G3BP2: variants seen among roughly 807,000 people sequenced by gnomAD.
G3BP2 encodes ras GTPase-activating protein-binding protein 2.
A neutral mutation model predicts 56.7 loss-of-function variants in G3BP2; 11 were observed. That is an observed-to-expected ratio of 0.19 (90% CI 0.12 to 0.32). The LOEUF (loss-of-function observed/expected upper bound fraction) is 0.32. Ranked by LOEUF, G3BP2 falls within the 10% of genes least tolerant of loss-of-function variation. The pLI is 1.00. For missense variants in G3BP2, 340 were observed against 610.9 expected, an observed-to-expected ratio of 0.56 and a Z score of 4.67; for synonymous variants, 165 against 191.6, an observed-to-expected ratio of 0.86 and a Z score of 1.15.
chr4:75,699,120 G>C (rs552795370), intron 3 of G3BP2, among the ~76,000 whole-genome samples: 2 of 152,192 alleles, frequency 1.3e-5, no homozygotes, highest in East Asian at 3.9e-4. Flanking sequence ...CTCACCTCAA[G>C]AACATTGCTT....
intron 3 of G3BP2, among the ~76,000 whole-genome samples, chr4:75,685,646 A>G (rs1050879896): frequency 1.3e-5 from 2 of 152,202 alleles, no homozygotes; most frequent in African/African-American, 4.8e-5. Flanking sequence ...AAAAAGGCAC[A>G]ATTGCAGTTA....
upstream of G3BP2, chr4:75,673,873 C>T (rs1194461508): frequency 2.1e-5 from 4 of 194,656 alleles, no homozygotes. Flanking sequence ...CAGCTGTTTG[C>T]ACACTAAACT....
At chr4:75,674,709 TA>T (rs1733774531), upstream of G3BP2, among the ~76,000 whole-genome samples, 4 of 46,076 alleles carry the variant, frequency 8.7e-5, no homozygotes, top group African/African-American at 3.1e-4. Flanking sequence ...TATATATATA[TA>T]TATATATATT....
chr4:75,709,606 T>C (rs1207693965), intron 3 of G3BP2, among the ~76,000 whole-genome samples: 5 of 151,992 alleles, frequency 3.3e-5, no homozygotes, highest in Admixed American at 3.3e-4. Flanking sequence ...AGCAAGACTC[T>C]ATCTCAGAAA....
rs1732612391 is a variant in G3BP2 at position 75,662,148 on chromosome 4, T to C, written c.-24-99A>G. 7.6e-6 allele frequency: 5 copies of C among 658,070 alleles called. No homozygotes were observed. The Admixed American group carries it at 1.4e-4, about 18-fold the overall frequency. 40.8% of individuals were successfully genotyped at this position (658,070 alleles called of 1,614,324 possible). On this transcript the variant is annotated intron_variant, in intron 1 of 11. Coordinates refer to ENST00000359707, the MANE Select transcript of G3BP2 (RefSeq NM_203505.3). ...TTTAGCCAAATTTAGCAGTGGGGAG[T>C]TGTATACCAATTTTAGTGACACTAA...
At chr4:75,706,693 A>AT (rs1019782103) in intron 3 of G3BP2, among the ~76,000 whole-genome samples, 4 of 151,756 alleles carry the variant, frequency 2.6e-5, no homozygotes, top group Middle Eastern at 3.2e-3. Context: ...AAAAAAAAAA[A>AT]AGAATGAGCA....
At chr4:75,679,298 A>G (rs891286765) in intron 3 of G3BP2, among the ~76,000 whole-genome samples, 1 of 152,262 alleles carries the variant, frequency 6.6e-6, no homozygotes, top group Non-Finnish European at 1.5e-5. Context: ...ACCTACTCCC[A>G]TGAGTAGGAT....
intron 1 of G3BP2, among the ~76,000 whole-genome samples, chr4:75,670,842 C>T (rs982687205): frequency 4.6e-5 from 7 of 152,044 alleles, no homozygotes; most frequent in African/African-American, 1.2e-4. Flanking sequence ...TAGGAACAAC[C>T]GCTTTGGAAG....
At position 75,655,083 on chromosome 4, in the gene G3BP2, G is replaced by A. The variant is rs765546547; in HGVS notation, c.709C>T (p.Pro237Ser). The A allele has an allele frequency of 3.1e-6, 5 of 1,610,906 alleles. No individual in the cohort carries two copies. The highest frequency in any genetic ancestry group is 1.7e-5 in the Admixed American group (1 of 59,308). ...GATCTAACCTTTGGTGGTTCTTGTG[G>A]CAGAGAAACAGGTTCTGCCGGAGGA... ...TPPPAEPVSL[P>S]QEPPKAFSWA... The change falls in exon 7 of 12, where the codon CCA becomes TCA. Residue 237 changes from proline to serine, a missense_variant. Transcript: ENST00000359707.
At chr4:75,711,852 T>C (rs1052553068) in intron 3 of G3BP2, among the ~76,000 whole-genome samples, 80 of 152,296 alleles carry the variant, frequency 5.3e-4, no homozygotes, top group African/African-American at 1.8e-3. Context: ...CTCTCCTCCC[T>C]AGCAAACTAG....
chr4:75,681,647 C>T (rs1027803979), intron 3 of G3BP2, among the ~76,000 whole-genome samples: 3 of 151,604 alleles, frequency 2.0e-5, no homozygotes, highest in South Asian at 2.1e-4. Context: ...GTCAGGAGTT[C>T]GAGACCAGCC....
At chr4:75,678,583 A>G (rs1017218002) in intron 3 of G3BP2, among the ~76,000 whole-genome samples, 18 of 152,208 alleles carry the variant, frequency 1.2e-4, no homozygotes, top group African/African-American at 4.1e-4. Flanking sequence ...GGGAAGCTGA[A>G]GCAGGAGGAT....
At chr4:75,667,251 C>T (rs566751035) in intron 1 of G3BP2, among the ~76,000 whole-genome samples, 33 of 149,928 alleles carry the variant, frequency 2.2e-4, no homozygotes, top group Admixed American at 8.0e-4. Context: ...ATGGCACCAC[C>T]GCACTCAAAC....
At chr4:75,651,225 A>T (rs985651460) in intron 8 of G3BP2, among the ~76,000 whole-genome samples, 26 of 152,240 alleles carry the variant, frequency 1.7e-4, no homozygotes, top group Admixed American at 1.4e-3. Flanking sequence ...TATTACTGGC[A>T]ATTAATAAAA....
intron 8 of G3BP2, among the ~76,000 whole-genome samples, chr4:75,650,672 AT>A (rs1731624238): frequency 6.6e-6 from 1 of 152,100 alleles, no homozygotes; most frequent in African/African-American, 2.4e-5. Context: ...TTTTGTTGTT[AT>A]TTATATGTAT....
At chr4:75,709,104 C>A (rs1719656608) in intron 3 of G3BP2, among the ~76,000 whole-genome samples, 1 of 142,954 alleles carries the variant, frequency 7.0e-6, no homozygotes, top group Non-Finnish European at 1.5e-5. Context: ...GAGAACTTGT[C>A]TGAAACAATA....
intron 3 of G3BP2, among the ~76,000 whole-genome samples, chr4:75,679,510 G>T (rs1450938777): frequency 6.6e-6 from 1 of 152,142 alleles, no homozygotes; most frequent in Non-Finnish European, 1.5e-5. Context: ...GCATGAAATG[G>T]CCTGCCAATC....
exon 3 of G3BP2, among the ~76,000 whole-genome samples, chr4:75,720,915 T>C (rs1299823508): frequency 7.1e-6 from 1 of 140,900 alleles, no homozygotes; most frequent in Non-Finnish European, 1.5e-5. Context: ...GGCAGGAGAA[T>C]AGCTTGAGGC....
chr4:75,720,035 G>A (rs867566006), intron 3 of G3BP2, among the ~76,000 whole-genome samples: 3 of 11,406 alleles, frequency 2.6e-4, no homozygotes, highest in African/African-American at 1.0e-3. Flanking sequence ...TTTTTTTTTT[G>A]AGAAAGGGTC....
Sources: gnomAD v4.1 joint callset for allele counts (sites outside exome capture counted in the v4.1 genomes callset) on GRCh38, gnomAD v4.1.1 for gene constraint, MANE v1.5 for transcripts, NCBI Gene and HGNC (gene_info 2026-07-23, HGNC 2026-07-21) for gene names.